PAK2: variants seen among roughly 807,000 people sequenced by gnomAD.
PAK2 encodes the protein serine/threonine-protein kinase PAK 2.
PAK2 carries 21 observed loss-of-function variants against 65.9 expected under a neutral mutation model. That is an observed-to-expected ratio of 0.32 (90% CI 0.23 to 0.46). The LOEUF (loss-of-function observed/expected upper bound fraction) is 0.46, where lower values mean the gene tolerates loss of function less well. Among genes scored for constraint, PAK2 ranks in the 20% least tolerant of loss-of-function variants. The pLI is 1.00. For synonymous variants in PAK2, 204 were observed against 219.7 expected (o/e 0.93, Z 0.63); for missense variants, 324 against 642.6 (o/e 0.50, Z 5.36).
intron 1 of PAK2, among the ~76,000 whole-genome samples, chr3:196,780,451 G>A (rs111734918): frequency 1.3e-5 from 2 of 152,300 alleles, no homozygotes; most frequent in African/African-American, 4.8e-5. Context: ...AGCTTGTGCA[G>A]GGAAACACTT....
At position 196,791,481 on chromosome 3, in the gene PAK2, G is replaced by A. The variant is rs1224016750; in HGVS notation, c.187+8648G>A. 2.0e-5 allele frequency among the ~76,000 whole-genome samples: 3 copies of A among 151,968 alleles called. No homozygotes were observed. Among genetic ancestry groups the A allele is most frequent in the East Asian group, 1.9e-4 (1 of 5,204 alleles). On this transcript the variant is annotated intron_variant, in intron 2 of 14. Transcript: ENST00000327134. This position sits in a 1 kb window ranked among gnomAD's most constrained non-coding sequence, Gnocchi z 4.0. ...TAATATATTTCTCTAAACTCTTAAC[G>A]TTTCCAAGTTGAAGAATATGACTAG...
intron 2 of PAK2, among the ~76,000 whole-genome samples, chr3:196,799,453 C>T (rs559090058): frequency 1.3e-5 from 2 of 152,236 alleles, no homozygotes; most frequent in South Asian, 2.1e-4. Context: ...CAAGAGGCGA[C>T]GCGAGTGCTC....
chr3:196,782,445 G>A (rs1204009741), intron 1 of PAK2, among the ~76,000 whole-genome samples, 181 bp from the exon 2 acceptor site: 2 of 152,138 alleles, frequency 1.3e-5, no homozygotes, highest in Non-Finnish European at 2.9e-5. Flanking sequence ...TACCAGCTTT[G>A]TTGGGGGTAA....
chr3:196,786,948 C>T (rs1714909771), intron 2 of PAK2, among the ~76,000 whole-genome samples: 1 of 151,966 alleles, frequency 6.6e-6, no homozygotes, highest in Admixed American at 6.6e-5. Context: ...CCTCAGCCTT[C>T]CAAGTAGTTG....
At position 196,770,242 on chromosome 3, in the gene PAK2, G is replaced by A. The variant is rs369773902; in HGVS notation, c.-21-12384G>A. Among the ~76,000 whole-genome samples, 211 of 152,176 alleles carry A rather than the reference G, an allele frequency of 1.4e-3. 7 individuals carry two copies. In the South Asian group the frequency reaches 0.043, roughly 31 times the overall value. On this transcript the variant is annotated intron_variant, in intron 1 of 14. Transcript: ENST00000327134. ...ATTGTAATCCAGCCTGAGTGACAGAGTGAGACCCTATCTCCATTAAAAGTA... is the reference window on the plus strand; with the variant it reads ...ATTGTAATCCAGCCTGAGTGACAGAATGAGACCCTATCTCCATTAAAAGTA...
rs530560844 is a variant in PAK2, at chr3:196,815,378, G to A, written c.1053+810G>A. On this transcript the variant is annotated intron_variant, in intron 11 of 14. Transcript: ENST00000327134. Reference sequence around the variant, plus strand: ...ATGGTGGTGCACGCCTGTAATCCCAGCTACTCGCGAGGCTGAGGCGGGAGA... The same window carrying A: ...ATGGTGGTGCACGCCTGTAATCCCAACTACTCGCGAGGCTGAGGCGGGAGA... Among the ~76,000 whole-genome samples, 20 of 151,630 alleles carry A rather than the reference G, an allele frequency of 1.3e-4. No individual in the cohort carries two copies. The East Asian group carries it at 2.9e-3, about 22-fold the overall frequency.
At chr3:196,806,432 A>G (rs1192904056) in intron 5 of PAK2, 147 bp from the exon 6 acceptor site, 12 of 574,312 alleles carry the variant, frequency 2.1e-5, no homozygotes, top group Non-Finnish European at 3.5e-5. Flanking sequence ...TTATAATTCT[A>G]TTGAGTTATC....
chr3:196,827,554 G>C (rs1251050717), intron 14 of PAK2: 1 of 457,108 alleles, frequency 2.2e-6, no homozygotes, highest in East Asian at 1.5e-4. Flanking sequence ...ATTGAACAAT[G>C]AGAACACCTG....
intron 1 of PAK2, 117 bp from the exon 2 acceptor site, chr3:196,782,509 C>T: frequency 1.7e-6 from 1 of 582,556 alleles, no homozygotes; most frequent in Non-Finnish European, 3.1e-6. Flanking sequence ...TTGCAAATGT[C>T]ACTATAAATG....
At chr3:196,783,602 CGT>C (rs1491501835) in intron 2 of PAK2, among the ~76,000 whole-genome samples, 14 of 149,338 alleles carry the variant, frequency 9.4e-5, no homozygotes, top group African/African-American at 3.2e-4. Flanking sequence ...AAAAAGTGTA[CGT>C]ATATATATGT....
chr3:196,773,046 G>C (rs1196125652), intron 1 of PAK2, among the ~76,000 whole-genome samples: 1 of 152,132 alleles, frequency 6.6e-6, no homozygotes, highest in African/African-American at 2.4e-5. Flanking sequence ...CCACTCCGCT[G>C]TTCGTTTCTG....
intron 11 of PAK2, among the ~76,000 whole-genome samples, chr3:196,816,436 C>A (rs1560116744): frequency 6.6e-6 from 1 of 152,008 alleles, no homozygotes; most frequent in African/African-American, 2.4e-5. Flanking sequence ...AAGAATTTAC[C>A]TATTTATACT....
intron 8 of PAK2, among the ~76,000 whole-genome samples, chr3:196,811,333 C>T (rs111755259): frequency 0.045 from 503 of 11,260 alleles, 14 homozygotes; most frequent in Middle Eastern, 0.083. Context: ...CTTCCCTTCC[C>T]TCCCTTCCCT....
chr3:196,816,251 TC>T (rs1370882807), intron 11 of PAK2, among the ~76,000 whole-genome samples: 1 of 152,174 alleles, frequency 6.6e-6, no homozygotes, highest in East Asian at 1.9e-4. Flanking sequence ...ATTTCCCTTT[TC>T]CATCTGTCAT....
rs182661869 is a variant in PAK2 at position 196,806,699 on chromosome 3, C to T, written c.576+13C>T. ...TCATACGAAATCAGTGAGTCTCCAT[C>T]GGTGATCTAGGCTGTGTGTGTGCAC... On this transcript the variant is annotated intron_variant, in intron 6 of 14. Coordinates refer to ENST00000327134, the MANE Select transcript of PAK2 (RefSeq NM_002577.4). 4.2e-4 allele frequency: 612 copies of T among 1,447,434 alleles called. 4 individuals are homozygous for T. In the African/African-American group the frequency reaches 7.6e-3, roughly 18 times the overall value. 89.7% of individuals were successfully genotyped at this position (1,447,434 alleles called of 1,614,324 possible).
intron 1 of PAK2, among the ~76,000 whole-genome samples, chr3:196,758,643 A>G (rs1684464): frequency 6.6e-6 from 1 of 151,908 alleles, no homozygotes; most frequent in East Asian, 1.9e-4. Flanking sequence ...TAGTATTTTT[A>G]TTTTATTTTA....
intron 14 of PAK2, 190 bp downstream of exon 14, chr3:196,827,523 T>C (rs1170005666): frequency 1.4e-6 from 1 of 726,010 alleles, no homozygotes; most frequent in African/African-American, 1.9e-5. Flanking sequence ...AAACACTGCA[T>C]GTTCCCACTC....
At chr3:196,757,290 C>G (rs2108716293) in intron 1 of PAK2, among the ~76,000 whole-genome samples, 1 of 152,292 alleles carries the variant, frequency 6.6e-6, no homozygotes, top group South Asian at 2.1e-4. Context: ...CTGATGAAAA[C>G]TGGTGGAAAA....
intron 6 of PAK2, among the ~76,000 whole-genome samples, chr3:196,807,461 TAA>T (rs1303669698): frequency 6.6e-6 from 1 of 152,206 alleles, no homozygotes; most frequent in East Asian, 1.9e-4. Context: ...CCATTTGTAG[TAA>T]AAACATGATT....
Sources: allele counts gnomAD v4.1 joint callset (sites outside exome capture counted in the v4.1 genomes callset), GRCh38; gene constraint gnomAD v4.1.1; non-coding constraint Gnocchi (gnomAD v3.1); transcripts MANE v1.5; gene names NCBI Gene and HGNC (gene_info 2026-07-23, HGNC 2026-07-21).